The following ACO1 variants were observed in gnomAD, a reference collection of about 807,000 sequenced individuals.
ACO1 encodes the protein aconitase 1.
In ACO1, 78 loss-of-function variants were observed where a neutral mutation model predicts 105.1. That is an observed-to-expected ratio of 0.74 (90% CI 0.62 to 0.90). ACO1 has a LOEUF of 0.90. Ranked by LOEUF, ACO1 falls within the 40% of genes least tolerant of loss-of-function variation. The probability of loss-of-function intolerance (pLI) is 0.00; values close to 1 mark genes in which losing one functional copy is unlikely to be tolerated. For synonymous variants in ACO1, 364 were observed against 397.4 expected, an observed-to-expected ratio of 0.92 and a Z score of 1.00; for missense variants, 965 against 1,111.1, an observed-to-expected ratio of 0.87 and a Z score of 1.87.
chr9:32,403,424 A>C (rs1205846692), intron 1 of ACO1, among the ~76,000 whole-genome samples: 2 of 152,156 alleles, frequency 1.3e-5, no homozygotes, highest in East Asian at 1.9e-4. Flanking sequence ...CCAAGGAAAA[A>C]GGGAGGCAAA....
In ACO1 at chr9:32,424,501, T is replaced by C. The variant is rs200413632; in HGVS notation, c.1072-48T>C. The C allele has an allele frequency of 8.8e-5, 116 of 1,314,180 alleles. No individual in the cohort carries two copies. The African/African-American group carries it at 1.6e-3, about 18-fold the overall frequency. The allele number at this position is 1,314,180 out of a possible 1,614,324, so 81.4% of individuals were successfully genotyped here. ...TCTGACATGCTTTGGGTTTCCTCTT[T>C]GTGGGTATAATGTAAATTCTATAAT... On this transcript the variant is annotated intron_variant, in intron 9 of 20. Transcript: ENST00000309951.
intron 2 of ACO1, among the ~76,000 whole-genome samples, chr9:32,406,457 C>A (rs759116862): frequency 5.9e-5 from 9 of 152,186 alleles, no homozygotes; most frequent in African/African-American, 1.7e-4. Flanking sequence ...CCTGTCTCTA[C>A]AAAAAATAGA....
intron 1 of ACO1, among the ~76,000 whole-genome samples, chr9:32,404,602 C>T (rs2118395388): frequency 6.6e-6 from 1 of 152,356 alleles, no homozygotes; most frequent in South Asian, 2.1e-4. Flanking sequence ...CCTCTGCCCC[C>T]TTAGATGGGC....
chr9:32,432,118 G>A (rs920412503), intron 15 of ACO1, among the ~76,000 whole-genome samples: 2 of 152,020 alleles, frequency 1.3e-5, no homozygotes, highest in Admixed American at 6.6e-5. Context: ...AAAACCCCAC[G>A]CCTTTCTCGG....
intron 15 of ACO1, among the ~76,000 whole-genome samples, chr9:32,432,589 G>T (rs1263578588): frequency 1.3e-5 from 2 of 152,154 alleles, no homozygotes; most frequent in Non-Finnish European, 2.9e-5. Context: ...CCTGTGGACA[G>T]AATTCAAACC....
At chr9:32,396,934 A>T (rs780204262) in intron 1 of ACO1, among the ~76,000 whole-genome samples, 5 of 152,218 alleles carry the variant, frequency 3.3e-5, no homozygotes, top group Non-Finnish European at 5.9e-5. Context: ...ACTGAGGCAC[A>T]GAAAAGTTAT....
chr9:32,433,881 T>C, intron 16 of ACO1, 49 bp downstream of exon 16: 1 of 1,412,092 alleles, frequency 7.1e-7, no homozygotes, highest in African/African-American at 1.4e-5. Context: ...AGGGTTTCTT[T>C]CCTAATAATA....
chr9:32,399,269 T>G (rs1341165405), intron 1 of ACO1, among the ~76,000 whole-genome samples: 5 of 152,224 alleles, frequency 3.3e-5, no homozygotes, highest in Admixed American at 3.3e-4. Context: ...ATCTTAGTGT[T>G]ACTCAGTTTG....
intron 4 of ACO1, among the ~76,000 whole-genome samples, chr9:32,409,334 A>G (rs1466941385): frequency 1.3e-5 from 2 of 152,212 alleles, no homozygotes; most frequent in African/African-American, 2.4e-5. Flanking sequence ...TGAATGCAAG[A>G]GCTGAGCAGA....
At chr9:32,387,934 AAT>A (rs1821187544) in intron 1 of ACO1, among the ~76,000 whole-genome samples, 1 of 152,236 alleles carries the variant, frequency 6.6e-6, no homozygotes, top group Non-Finnish European at 1.5e-5. Context: ...TTTATGCGTG[AAT>A]ACCAGAAACT....
At chr9:32,440,161 G>A (rs1822444684) in intron 18 of ACO1, among the ~76,000 whole-genome samples, 1 of 152,082 alleles carries the variant, frequency 6.6e-6, no homozygotes. Flanking sequence ...CAGCTACTTG[G>A]GAGACTGGAG....
chr9:32,453,325 T>A lies in ACO1; in HGVS notation c.*3214T>A, dbSNP rs1043504152. 6.7e-6 allele frequency: 1 copy of A among 148,936 alleles called. No individual in the cohort carries two copies. Among genetic ancestry groups the A allele is most frequent in the Non-Finnish European group, 1.5e-5 (1 of 67,634 alleles). 9.2% of individuals were successfully genotyped at this position (148,936 alleles called of 1,614,324 possible). A position where few individuals can be genotyped will look rare whatever the true frequency, so the allele number is the denominator to read the frequency against. On this transcript the variant is annotated 3_prime_UTR_variant, in exon 21 of 21. Coordinates refer to ENST00000309951, the MANE Select transcript of ACO1 (RefSeq NM_002197.3). ...AGATATATTAGGCATGAATCTTAGC[T>A]GTGGTAGAAGCACAGCTCAAATTAG...
At position 32,450,274 on chromosome 9, in the gene ACO1, G is replaced by T. The variant is rs1442605663; in HGVS notation, c.*163G>T. 7 of 725,528 alleles carry T rather than the reference G, an allele frequency of 9.6e-6. No homozygotes were observed. Among genetic ancestry groups the T allele is most frequent in the Non-Finnish European group, 1.8e-5 (7 of 391,818 alleles). 44.9% of individuals were successfully genotyped at this position (725,528 alleles called of 1,614,324 possible). A position where few individuals can be genotyped will look rare whatever the true frequency, so the allele number is the denominator to read the frequency against. On this transcript the variant is annotated 3_prime_UTR_variant, in exon 21 of 21. Coordinates refer to ENST00000309951, the MANE Select transcript of ACO1 (RefSeq NM_002197.3). ...TGCCAATCCTGTAGGCACAAAACCA[G>T]AAGTTTCTACATTCTCTATTTTTGT...
chr9:32,425,113 G>T (rs76023796), intron 10 of ACO1, among the ~76,000 whole-genome samples: 2,325 of 152,310 alleles, frequency 0.015, 60 homozygotes, highest in African/African-American at 0.053. Flanking sequence ...TGGTGCTTGG[G>T]CTGAAATACT....
intron 4 of ACO1, among the ~76,000 whole-genome samples, chr9:32,416,573 TC>T (rs1821855091): frequency 6.6e-6 from 1 of 152,118 alleles, no homozygotes; most frequent in African/African-American, 2.4e-5. Context: ...CATGGCCCAT[TC>T]CAAGTGCTCC....
In ACO1 at chr9:32,444,573, CAG is replaced by C. The variant is rs369564467; in HGVS notation, c.2370+3987_2370+3988del. Among the ~76,000 whole-genome samples, 401 of 152,210 alleles carry C rather than the reference CAG, an allele frequency of 2.6e-3. 16 individuals carry two copies. In the East Asian group the frequency reaches 0.063, roughly 24 times the overall value. On this transcript the variant is annotated intron_variant, in intron 19 of 20. Transcript: ENST00000309951. ...TTTTGATTTGCATTTCTCTAATGAC[CAG>C]TGAGGATGAGCATTTTTTCATATGT...
At position 32,453,485 on chromosome 9, in the gene ACO1, A is replaced by G. The variant is rs1822813914; in HGVS notation, c.*3374A>G. ...CAACCACCCCCCCATCCCTCCACCA[A>G]TCATACCTTCTGTTGGCCTCTGCAG... On this transcript the variant is annotated 3_prime_UTR_variant, in exon 21 of 21. Transcript: ENST00000309951. 2 of 151,930 alleles carry G rather than the reference A, an allele frequency of 1.3e-5. No individual in the cohort carries two copies. Among genetic ancestry groups the G allele is most frequent in the Non-Finnish European group, 2.9e-5 (2 of 68,030 alleles). The allele number at this position is 151,930 out of a possible 1,614,324, so 9.4% of individuals were successfully genotyped here.
Position 32,408,557 on chromosome 9 carries a change from G to T in ACO1, c.310G>T (p.Val104Leu). ...VVDFAAMRDA[V>L]KKLGGDPEKI... The stretch of plus-strand genomic sequence containing the variant: ...TGACTTTGCTGCAATGCGTGATGCT[G>T]TGAAAAAGTTAGGAGGAGATCCAGA... The change falls in exon 4 of 21, where the codon GTG (valine) becomes TTG (leucine). Residue 104 changes from valine to leucine, a missense_variant. By Grantham distance (32) the Val-to-Leu change is conservative. Coordinates refer to ENST00000309951, the MANE Select transcript of ACO1 (RefSeq NM_002197.3). 2.5e-6 allele frequency: 4 copies of T among 1,614,188 alleles called. No individual in the cohort carries two copies. The highest frequency in any genetic ancestry group is 2.2e-5 in the South Asian group (2 of 91,090).
chr9:32,425,358 T>C (rs1200285277), intron 10 of ACO1, among the ~76,000 whole-genome samples: 1 of 152,216 alleles, frequency 6.6e-6, no homozygotes, highest in African/African-American at 2.4e-5. Context: ...ATGCCAAATA[T>C]TCAGCTGTAC....
Sources: allele counts gnomAD v4.1 joint callset (sites outside exome capture counted in the v4.1 genomes callset), GRCh38; gene constraint gnomAD v4.1.1; transcripts MANE v1.5; gene names NCBI Gene and HGNC (gene_info 2026-07-23, HGNC 2026-07-21).